Variants in CHD6 observed in about 807,000 individuals in gnomAD.
CHD6 encodes chromodomain helicase DNA binding protein 6, also known as ATP-dependent chromatin remodeler CHD6.
In CHD6, 50 loss-of-function variants were observed where a neutral mutation model predicts 276.9. That is an observed-to-expected ratio of 0.18 (90% CI 0.14 to 0.23). The LOEUF is 0.23. Ranked by LOEUF, CHD6 falls within the 10% of genes least tolerant of loss-of-function variation. The pLI is 1.00. For synonymous variants in CHD6, 1,173 were observed against 1,229.3 expected, an observed-to-expected ratio of 0.95 and a Z score of 0.96; for missense variants, 2,564 against 3,365.8, an observed-to-expected ratio of 0.76 and a Z score of 5.89.
intron 1 of CHD6, among the ~76,000 whole-genome samples, chr20:41,602,864 G>C (rs1349446523): frequency 6.6e-6 from 1 of 151,978 alleles, no homozygotes; most frequent in African/African-American, 2.4e-5. Context: ...AAAATATTTT[G>C]TAGAGATAGG....
chr20:41,508,374 A>C (rs2044030532), intron 5 of CHD6, among the ~76,000 whole-genome samples: 1 of 152,194 alleles, frequency 6.6e-6, no homozygotes, highest in Non-Finnish European at 1.5e-5. Flanking sequence ...ACGGGAGTTA[A>C]AAAGTAACCA....
At chr20:41,449,130 T>A (rs1385288999) in intron 23 of CHD6, among the ~76,000 whole-genome samples, 1 of 152,216 alleles carries the variant, frequency 6.6e-6, no homozygotes, top group African/African-American at 2.4e-5. Flanking sequence ...CTTGAACTCC[T>A]GATCTCAGGT....
intron 1 of CHD6, among the ~76,000 whole-genome samples, chr20:41,594,493 T>G: frequency 6.6e-6 from 1 of 152,208 alleles, no homozygotes; most frequent in East Asian, 1.9e-4. Context: ...AATAATCTTT[T>G]AAGAATCAGA....
At chr20:41,543,199 A>C (rs998418201) in intron 2 of CHD6, among the ~76,000 whole-genome samples, 2 of 152,216 alleles carry the variant, frequency 1.3e-5, no homozygotes, top group African/African-American at 4.8e-5. Flanking sequence ...TGTATCACCA[A>C]AACAACCTTA....
chr20:41,521,595 A>G (rs887037700), intron 3 of CHD6, among the ~76,000 whole-genome samples: 1 of 151,908 alleles, frequency 6.6e-6, no homozygotes, highest in African/African-American at 2.4e-5. Context: ...ACATATATTC[A>G]TATGTGCGCG....
intron 36 of CHD6, among the ~76,000 whole-genome samples, chr20:41,407,541 A>G (rs1395485085): frequency 6.6e-6 from 1 of 152,268 alleles, no homozygotes; most frequent in Non-Finnish European, 1.5e-5. Context: ...TTGGCAGCCC[A>G]GGCATTTCCC....
intron 2 of CHD6, among the ~76,000 whole-genome samples, chr20:41,536,933 T>C (rs1034468128): frequency 3.9e-5 from 6 of 152,138 alleles, no homozygotes; most frequent in South Asian, 2.1e-4. Context: ...TCTTTAAATA[T>C]TGGCATGGCA....
intron 1 of CHD6, among the ~76,000 whole-genome samples, chr20:41,609,931 G>A (rs1033292869): frequency 1.4e-5 from 2 of 144,376 alleles, no homozygotes; most frequent in East Asian, 2.1e-4. Flanking sequence ...ACCTTGGCTC[G>A]CTGCAACCTC....
At chr20:41,512,741 T>C in intron 5 of CHD6, 105 bp downstream of exon 5, 4 of 1,322,086 alleles carry the variant, frequency 3.0e-6, no homozygotes, top group Non-Finnish European at 4.2e-6. Context: ...AAGCAGCAGT[T>C]AAAATGATCT....
intron 3 of CHD6, among the ~76,000 whole-genome samples, chr20:41,527,697 C>T (rs2044577011): frequency 1.3e-5 from 2 of 152,140 alleles, no homozygotes; most frequent in Admixed American, 6.5e-5. Context: ...GATGCAAAAA[C>T]TGTTGTTGAG....
At chr20:41,487,884 C>T (rs992929763) in intron 13 of CHD6, 76 bp from the exon 14 acceptor site, 5 of 1,509,280 alleles carry the variant, frequency 3.3e-6, no homozygotes, top group South Asian at 2.5e-5. Context: ...AAAATTAAGC[C>T]AGGGCATTGA....
Position 41,523,648 on chromosome 20 carries a change from T to C in CHD6, c.555-8696A>G, listed in dbSNP as rs1374600101. Among the ~76,000 whole-genome samples the C allele has an allele frequency of 2.0e-5, 3 of 151,798 alleles. No homozygotes were observed. In the East Asian group the frequency reaches 5.8e-4, roughly 29 times the overall value. ...CTAGAAAAAACGTGTTTTTTGTTTT[T>C]TGTTTTTTTTTTTGCTTTCCAAATA... On this transcript the variant is annotated intron_variant, in intron 3 of 36. Coordinates refer to ENST00000373233, the MANE Select transcript of CHD6 (RefSeq NM_032221.5).
In CHD6 at chr20:41,439,355, C is replaced by T. The variant is rs574603782; in HGVS notation, c.4007+645G>A. On this transcript the variant is annotated intron_variant, in intron 26 of 36. Transcript: ENST00000373233. ...TGGGTGACAAAGCAAGACTCTATCT[C>T]GGGAAAAAAAAAAAAGCTATGTTTT... Among the ~76,000 whole-genome samples the T allele has an allele frequency of 1.3e-4, 19 of 147,702 alleles. 1 individual carries two copies. Among genetic ancestry groups the T allele is most frequent in the East Asian group, 3.9e-4 (2 of 5,094 alleles).
chr20:41,548,797 GA>G (rs1169531600), intron 2 of CHD6, among the ~76,000 whole-genome samples: 1 of 148,554 alleles, frequency 6.7e-6, no homozygotes, highest in Non-Finnish European at 1.5e-5. Context: ...AAATTTACAA[GA>G]AAAAAAAAAC....
intron 2 of CHD6, among the ~76,000 whole-genome samples, chr20:41,550,320 A>G (rs1025591836): frequency 6.6e-6 from 1 of 152,348 alleles, no homozygotes; most frequent in Admixed American, 6.5e-5. Context: ...GCGTCTGCCT[A>G]TCAGCTGACA....
intron 3 of CHD6, among the ~76,000 whole-genome samples, chr20:41,520,023 C>T (rs1250408784): frequency 6.6e-6 from 1 of 152,158 alleles, no homozygotes; most frequent in East Asian, 1.9e-4. Flanking sequence ...TATGAACAGA[C>T]ATTTCTCGAA....
At chr20:41,456,138 C>A (rs143173550) in intron 18 of CHD6, among the ~76,000 whole-genome samples, 159 bp from the exon 19 acceptor site, 1 of 151,994 alleles carries the variant, frequency 6.6e-6, no homozygotes, top group Admixed American at 6.6e-5. Context: ...ATCCCAGATG[C>A]GATACTCTGG....
intron 1 of CHD6, among the ~76,000 whole-genome samples, chr20:41,575,256 G>A (rs2045462246): frequency 1.3e-5 from 2 of 152,030 alleles, no homozygotes; most frequent in African/African-American, 4.8e-5. Flanking sequence ...TGCTTTTGTT[G>A]TTTCATTCTT....
chr20:41,470,790 T>C (rs1205379785), intron 17 of CHD6, among the ~76,000 whole-genome samples: 1 of 152,252 alleles, frequency 6.6e-6, no homozygotes, highest in East Asian at 1.9e-4. Flanking sequence ...TCCCATGGCA[T>C]TGCACCTATT....
Sources: allele counts gnomAD v4.1 joint callset (sites outside exome capture counted in the v4.1 genomes callset), GRCh38; gene constraint gnomAD v4.1.1; transcripts MANE v1.5; gene names NCBI Gene and HGNC (gene_info 2026-07-23, HGNC 2026-07-21).